The following ANOS1 variants were observed in gnomAD, a reference collection of about 807,000 sequenced individuals.
ANOS1 encodes the protein anosmin 1.
ANOS1 carries 6 observed loss-of-function variants against 59.0 expected under a neutral mutation model. That is an observed-to-expected ratio of 0.10 (90% CI 0.06 to 0.20). The LOEUF (loss-of-function observed/expected upper bound fraction) is 0.20, where lower values mean the gene tolerates loss of function less well. Among genes scored for constraint, ANOS1 ranks in the 10% least tolerant of loss-of-function variants. The pLI is 1.00. For missense variants in ANOS1, 433 were observed against 542.3 expected, an observed-to-expected ratio of 0.80 and a Z score of 2.00; for synonymous variants, 217 against 223.4, an observed-to-expected ratio of 0.97 and a Z score of 0.25.
At chrX:8,620,168 A>G (rs1302132171) in intron 3 of ANOS1, among the ~76,000 whole-genome samples, 3 of 112,442 alleles carry the variant, frequency 2.7e-5, no homozygotes, top group Non-Finnish European at 3.7e-5. Flanking sequence ...ATTTTCAGCT[A>G]TAAGGGCCAT....
intron 1 of ANOS1, among the ~76,000 whole-genome samples, chrX:8,703,671 G>T (rs1250766137): frequency 1.8e-5 from 2 of 111,322 alleles, no homozygotes; most frequent in African/African-American, 6.5e-5. Context: ...ACCTTAAAAG[G>T]AGAGATGAAG....
At chrX:8,565,369 A>G (rs1930092995) in intron 8 of ANOS1, among the ~76,000 whole-genome samples, 2 of 111,652 alleles carry the variant, frequency 1.8e-5, no homozygotes, top group African/African-American at 6.5e-5. Flanking sequence ...AGGAATATAG[A>G]AGAATATAGT....
intron 1 of ANOS1, among the ~76,000 whole-genome samples, chrX:8,727,007 A>C (rs748492699): frequency 8.9e-6 from 1 of 112,514 alleles, no homozygotes; most frequent in Admixed American, 9.4e-5. Flanking sequence ...CAGATGGCTG[A>C]ATCTTTGACA....
chrX:8,693,031 C>T (rs1489635422), intron 2 of ANOS1, among the ~76,000 whole-genome samples: 1 of 112,447 alleles, frequency 8.9e-6, no homozygotes, highest in Admixed American at 9.4e-5. Context: ...TGGCTCATTA[C>T]AATATTTTGA....
At chrX:8,717,634 T>C (rs1035614380) in intron 1 of ANOS1, among the ~76,000 whole-genome samples, 6 of 110,063 alleles carry the variant, frequency 5.5e-5, no homozygotes, top group Non-Finnish European at 1.1e-4. Flanking sequence ...AATGTCAAAA[T>C]AGAAAGGGAG....
intron 10 of ANOS1, among the ~76,000 whole-genome samples, chrX:8,538,158 C>T (rs1397589126): frequency 1.8e-5 from 2 of 111,567 alleles, no homozygotes; most frequent in African/African-American, 6.5e-5. Flanking sequence ...CCAAGGCCAC[C>T]ATGTTTCTTT....
At chrX:8,685,808 C>T (rs1181437358) in intron 2 of ANOS1, among the ~76,000 whole-genome samples, 2 of 111,543 alleles carry the variant, frequency 1.8e-5, no homozygotes, top group Admixed American at 9.5e-5. Context: ...TGAACTTACC[C>T]ACATTGGTAG....
intron 1 of ANOS1, among the ~76,000 whole-genome samples, chrX:8,720,524 C>T (rs781040157): frequency 8.9e-6 from 1 of 111,848 alleles, no homozygotes; most frequent in African/African-American, 3.3e-5. Flanking sequence ...ATTTAAAAGA[C>T]GATTCATGGT....
intron 3 of ANOS1, among the ~76,000 whole-genome samples, chrX:8,599,537 C>T (rs1207123213): frequency 8.9e-6 from 1 of 111,934 alleles, no homozygotes; most frequent in African/African-American, 3.2e-5. Context: ...TCTGCACCAT[C>T]GTGACACCTG....
intron 2 of ANOS1, among the ~76,000 whole-genome samples, chrX:8,662,048 A>G (rs1162192046): frequency 8.9e-6 from 1 of 111,840 alleles, no homozygotes; most frequent in South Asian, 3.8e-4. Context: ...TCCTTGGTAA[A>G]TTACATGAAC....
Position 8,626,797 on chromosome X carries a change from C to G in ANOS1, c.256-3127G>C, listed in dbSNP as rs1314101301. Among the ~76,000 whole-genome samples the G allele has an allele frequency of 4.8e-5, 5 of 103,139 alleles. No individual in the cohort carries two copies. The Admixed American group carries it at 5.3e-4, about 11-fold the overall frequency. 89.6% of individuals were successfully genotyped at this position (103,139 alleles called of 115,157 possible). A position where few individuals can be genotyped will look rare whatever the true frequency, so the allele number is the denominator to read the frequency against. On this transcript the variant is annotated intron_variant, in intron 2 of 13. Transcript: ENST00000262648. The stretch of plus-strand genomic sequence containing the variant: ...AATGGCGTGAACCCGAGAGGCGGAG[C>G]TTGCAGTGAGCCGAGATCACACCAC...
intron 9 of ANOS1, among the ~76,000 whole-genome samples, chrX:8,551,939 C>A (rs772940504): frequency 2.7e-5 from 3 of 112,560 alleles, no homozygotes; most frequent in Non-Finnish European, 5.6e-5. Flanking sequence ...TGCCACTGCA[C>A]CCCAGACTGG....
intron 2 of ANOS1, among the ~76,000 whole-genome samples, chrX:8,636,003 C>T (rs1931567329): frequency 9.0e-6 from 1 of 110,998 alleles, no homozygotes. Flanking sequence ...CAGCCAGGCC[C>T]GTCTCCCCAG....
At chrX:8,726,146 G>A (rs190930225) in intron 1 of ANOS1, among the ~76,000 whole-genome samples, 1 of 111,351 alleles carries the variant, frequency 9.0e-6, no homozygotes. Context: ...AAATCTGTGA[G>A]CCTGGGGCTG....
chrX:8,684,141 C>T (rs1932468379), intron 2 of ANOS1, among the ~76,000 whole-genome samples: 1 of 111,671 alleles, frequency 9.0e-6, no homozygotes, highest in African/African-American at 3.3e-5. Flanking sequence ...AGAGGATGCA[C>T]AGGATGCATG....
At chrX:8,624,351 T>G (rs1931355310) in intron 2 of ANOS1, among the ~76,000 whole-genome samples, 1 of 112,049 alleles carries the variant, frequency 8.9e-6, no homozygotes, top group South Asian at 3.7e-4. Context: ...TTTCATGGGA[T>G]TTTTTTCCTC....
intron 2 of ANOS1, among the ~76,000 whole-genome samples, chrX:8,671,537 A>C (rs775960613): frequency 9.1e-6 from 1 of 109,509 alleles, no homozygotes; most frequent in Non-Finnish European, 1.9e-5. Flanking sequence ...GTCAAATAAA[A>C]CAACATCTAT....
rs750948041 is a variant in ANOS1 at position 8,581,456 on chromosome X, C to A, written c.856+3811G>T. Among the ~76,000 whole-genome samples the A allele has an allele frequency of 1.4e-4, 16 of 111,773 alleles. 1 individual carries two copies. The highest frequency in any genetic ancestry group is 4.7e-4 in the Admixed American group (5 of 10,537). ...AGCATGAAAACAGACTAATACAACA[C>A]CCAAAATTTACATTTCCATATGTCT... On this transcript the variant is annotated intron_variant, in intron 6 of 13. Coordinates refer to ENST00000262648, the MANE Select transcript of ANOS1 (RefSeq NM_000216.4).
chrX:8,547,623 C>T (rs1408698701), intron 9 of ANOS1, among the ~76,000 whole-genome samples: 5 of 112,198 alleles, frequency 4.5e-5, no homozygotes, highest in African/African-American at 1.3e-4. Flanking sequence ...ATTCCCATCA[C>T]GTGGCACACA....
Sources: gnomAD v4.1 joint callset for allele counts (sites outside exome capture counted in the v4.1 genomes callset) on GRCh38, gnomAD v4.1.1 for gene constraint, MANE v1.5 for transcripts, NCBI Gene and HGNC (gene_info 2026-07-23, HGNC 2026-07-21) for gene names.